RANBP2: variants seen among roughly 807,000 people sequenced by gnomAD.
RANBP2 encodes E3 SUMO-protein ligase RanBP2.
In RANBP2, 57 loss-of-function variants were observed where a neutral mutation model predicts 303.6. The observed-to-expected ratio is 0.19, with a 90% CI of 0.15 to 0.23. The LOEUF (loss-of-function observed/expected upper bound fraction) is 0.23. Among genes scored for constraint, RANBP2 ranks in the 10% least tolerant of loss-of-function variants. The probability of loss-of-function intolerance (pLI) is 1.00; values close to 1 mark genes in which losing one functional copy is unlikely to be tolerated. For missense variants in RANBP2, 3,138 were observed against 3,780.8 expected, an observed-to-expected ratio of 0.83 and a Z score of 4.46; for synonymous variants, 1,167 against 1,301.5, an observed-to-expected ratio of 0.90 and a Z score of 2.23.
At chr2:109,216,061 A>T in the RANBP2 span, among the ~76,000 whole-genome samples, 1,657 of 152,246 alleles carry the variant, frequency 0.011, 14 homozygotes, top group Non-Finnish European at 0.016. Context: ...TAAGACAGCC[A>T]AGCAGTCAGT....
chr2:109,298,287 G>A, the RANBP2 span, among the ~76,000 whole-genome samples: 11 of 146,716 alleles, frequency 7.5e-5, no homozygotes, highest in African/African-American at 2.7e-4. Flanking sequence ...AGAACTCCGT[G>A]GCTGGCTAGA....
chr2:109,493,154 C>T, the RANBP2 span, among the ~76,000 whole-genome samples: 1 of 130,560 alleles, frequency 7.7e-6, no homozygotes. Flanking sequence ...TCATACAAAA[C>T]ACATACACCA....
chr2:108,998,765 T>C, the RANBP2 span, among the ~76,000 whole-genome samples: 1 of 151,942 alleles, frequency 6.6e-6, no homozygotes, highest in African/African-American at 2.4e-5. Context: ...TTTTTTTAAG[T>C]AACATCTTCC....
the RANBP2 span, among the ~76,000 whole-genome samples, chr2:109,602,972 G>A: frequency 6.6e-6 from 1 of 151,086 alleles, no homozygotes; most frequent in African/African-American, 2.4e-5. Flanking sequence ...TTGGAAGACT[G>A]AGGCAGGAGG....
chr2:109,238,350 C>G, the RANBP2 span, among the ~76,000 whole-genome samples: 4 of 152,020 alleles, frequency 2.6e-5, no homozygotes, highest in South Asian at 8.3e-4. Context: ...AGAGACAAGG[C>G]TGGAAGACAA....
chr2:108,932,014 A>G, the RANBP2 span, among the ~76,000 whole-genome samples: 1 of 152,050 alleles, frequency 6.6e-6, no homozygotes, highest in East Asian at 1.9e-4. Flanking sequence ...CAAACTCCCT[A>G]AGACCTTTCA....
At chr2:109,256,388 G>T in the RANBP2 span, among the ~76,000 whole-genome samples, 1 of 152,194 alleles carries the variant, frequency 6.6e-6, no homozygotes, top group African/African-American at 2.4e-5. Flanking sequence ...GATATGAGCG[G>T]CAATGCGATG....
At chr2:108,798,708 TAC>T in the RANBP2 span, 41,689 of 423,958 alleles carry the variant, frequency 0.098, 3,970 homozygotes, top group East Asian at 0.55. Context: ...TCTCCACGCC[TAC>T]ACACACACAC....
At chr2:108,798,595 A>G in the RANBP2 span, 2 of 1,562,378 alleles carry the variant, frequency 1.3e-6, no homozygotes, top group Non-Finnish European at 1.7e-6. Flanking sequence ...AGGTAACTAT[A>G]TAGCCTTTGA....
the RANBP2 span, among the ~76,000 whole-genome samples, chr2:109,143,581 A>C: frequency 1.3e-5 from 2 of 152,076 alleles, no homozygotes; most frequent in African/African-American, 4.8e-5. Flanking sequence ...CATCTCTACA[A>C]AAAATAAAAA....
At chr2:109,399,097 C>T in the RANBP2 span, among the ~76,000 whole-genome samples, 2 of 152,140 alleles carry the variant, frequency 1.3e-5, no homozygotes, top group African/African-American at 4.8e-5. Context: ...CTGCCTGGCA[C>T]TGGGGCCCCC....
chr2:109,580,797 CCT>C, the RANBP2 span, among the ~76,000 whole-genome samples: 2 of 152,132 alleles, frequency 1.3e-5, no homozygotes, highest in African/African-American at 2.4e-5. Context: ...AAATAAATGC[CCT>C]CTTTTATGAG....
chr2:108,743,400 A>G (rs1358256558), intron 7 of RANBP2, among the ~76,000 whole-genome samples: 2 of 152,172 alleles, frequency 1.3e-5, no homozygotes, highest in East Asian at 1.9e-4. Context: ...GCCTCAGCTC[A>G]GTAGCTGGGA....
the RANBP2 span, among the ~76,000 whole-genome samples, chr2:109,393,706 G>T: frequency 1.3e-5 from 2 of 151,810 alleles, no homozygotes; most frequent in Admixed American, 1.3e-4. Flanking sequence ...AAGCCCTGTC[G>T]CTCAGTGCTG....
At chr2:108,747,685 T>G (rs906495082) in intron 8 of RANBP2, among the ~76,000 whole-genome samples, 2 of 152,220 alleles carry the variant, frequency 1.3e-5, no homozygotes, top group South Asian at 2.1e-4. Context: ...GTCTTTGATC[T>G]GGGCATCCCG....
At chr2:108,721,127 C>T (rs1287522268) in intron 1 of RANBP2, among the ~76,000 whole-genome samples, 2 of 152,136 alleles carry the variant, frequency 1.3e-5, no homozygotes, top group Non-Finnish European at 2.9e-5. Flanking sequence ...TGTCTCTTAT[C>T]GTAACTAAGC....
At chr2:109,678,877 C>T in the RANBP2 span, among the ~76,000 whole-genome samples, 2 of 152,152 alleles carry the variant, frequency 1.3e-5, no homozygotes, top group Non-Finnish European at 2.9e-5. Flanking sequence ...CTGCTGAGAG[C>T]GGTGCTCACC....
chr2:108,953,876 A>G, the RANBP2 span, among the ~76,000 whole-genome samples: 1 of 152,230 alleles, frequency 6.6e-6, no homozygotes, highest in South Asian at 2.1e-4. Flanking sequence ...GTTGAACCAG[A>G]CAGGTCAGAG....
At chr2:109,483,441 G>T in the RANBP2 span, among the ~76,000 whole-genome samples, 2 of 152,154 alleles carry the variant, frequency 1.3e-5, no homozygotes, top group East Asian at 3.9e-4. Context: ...GCAAGAAAAG[G>T]TGCTCCCTTC....
Sources: gnomAD v4.1 joint callset for allele counts (sites outside exome capture counted in the v4.1 genomes callset) on GRCh38, gnomAD v4.1.1 for gene constraint, MANE v1.5 for transcripts, NCBI Gene and HGNC (gene_info 2026-07-23, HGNC 2026-07-21) for gene names.